TXNL4A: variants seen among roughly 807,000 people sequenced by gnomAD.
The protein encoded by TXNL4A is thioredoxin like 4A.
In TXNL4A, 17 loss-of-function variants were observed where a neutral mutation model predicts 14.6. That is an observed-to-expected ratio of 1.16 (90% confidence interval 0.80 to 1.74). The LOEUF is 1.74. Ranked by LOEUF, TXNL4A falls within the 40% of genes most tolerant of loss-of-function variation. The probability of loss-of-function intolerance (pLI) is 0.00; values close to 1 mark genes in which losing one functional copy is unlikely to be tolerated. For missense variants in TXNL4A, 74 were observed against 195.2 expected (o/e 0.38, Z 3.70); for synonymous variants, 83 against 70.6 (o/e 1.18, Z -0.88).
intron 1 of TXNL4A, among the ~76,000 whole-genome samples, chr18:80,005,220 C>T (rs12604993): frequency 0.14 from 22,043 of 152,168 alleles, 1,710 homozygotes; most frequent in East Asian, 0.27. Context: ...ATTCTGGACT[C>T]GAAGGTTGTT....
At chr18:80,031,025 A>G (rs997906367) in intron 1 of TXNL4A, among the ~76,000 whole-genome samples, 2 of 152,230 alleles carry the variant, frequency 1.3e-5, no homozygotes. Context: ...AAAGTTTTTC[A>G]GTGGAAAGGA....
chr18:79,986,516 TAC>T (rs1186768702), intron 1 of TXNL4A: 8 of 937,750 alleles, frequency 8.5e-6, no homozygotes, highest in Admixed American at 6.2e-5. Context: ...CCACTAGTGA[TAC>T]AGTGATTCAT....
chr18:80,001,230 G>A (rs767521298), intron 1 of TXNL4A, among the ~76,000 whole-genome samples: 2 of 152,206 alleles, frequency 1.3e-5, no homozygotes, highest in African/African-American at 4.8e-5. Context: ...GCCTGTGGGT[G>A]CACAGAAGTC....
intron 1 of TXNL4A, among the ~76,000 whole-genome samples, chr18:79,983,995 C>T (rs1288583509): frequency 2.6e-5 from 4 of 151,426 alleles, no homozygotes; most frequent in East Asian, 1.9e-4. Context: ...CCTCAACCGC[C>T]ACTCAACACC....
chr18:80,020,634 C>G (rs145141726), intron 1 of TXNL4A, among the ~76,000 whole-genome samples: 1 of 152,140 alleles, frequency 6.6e-6, no homozygotes, highest in Non-Finnish European at 1.5e-5. Flanking sequence ...GAAGACTGAG[C>G]GTAGGTGCTT....
intron 1 of TXNL4A, among the ~76,000 whole-genome samples, chr18:80,015,549 C>T (rs2051802581): frequency 6.8e-6 from 1 of 147,900 alleles, no homozygotes; most frequent in Non-Finnish European, 1.5e-5. Flanking sequence ...GTGTGATGTT[C>T]CCCTTCCTGT....
At chr18:80,010,515 G>T (rs770068875) in intron 1 of TXNL4A, among the ~76,000 whole-genome samples, 1 of 152,164 alleles carries the variant, frequency 6.6e-6, no homozygotes, top group Non-Finnish European at 1.5e-5. Flanking sequence ...GAGGGCAGAC[G>T]TACAGTCCAA....
chr18:79,999,181 T>C (rs558615245), intron 1 of TXNL4A, among the ~76,000 whole-genome samples: 40 of 152,292 alleles, frequency 2.6e-4, no homozygotes, highest in African/African-American at 7.0e-4. Flanking sequence ...TATGGAAAGA[T>C]GGAGGATATT....
At chr18:80,027,069 C>T (rs566355052) in intron 1 of TXNL4A, among the ~76,000 whole-genome samples, 11 of 152,192 alleles carry the variant, frequency 7.2e-5, no homozygotes, top group South Asian at 2.1e-4. Flanking sequence ...AGAAGCAGAA[C>T]GCTTGCTCAA....
chr18:80,032,030 T>C (rs1413857705), intron 1 of TXNL4A, among the ~76,000 whole-genome samples: 1 of 152,244 alleles, frequency 6.6e-6, no homozygotes, highest in Non-Finnish European at 1.5e-5. Context: ...GCTCAGAGAA[T>C]TGCTCTAATT....
intron 1 of TXNL4A, among the ~76,000 whole-genome samples, chr18:80,008,231 G>A (rs577927417): frequency 6.6e-6 from 1 of 152,332 alleles, no homozygotes; most frequent in African/African-American, 2.4e-5. Flanking sequence ...TATCCAAATT[G>A]TTTTTCAGAT....
intron 1 of TXNL4A, among the ~76,000 whole-genome samples, chr18:79,985,491 G>A (rs1326871436): frequency 6.6e-6 from 1 of 151,960 alleles, no homozygotes; most frequent in African/African-American, 2.4e-5. Context: ...GGGCTCAAGG[G>A]AACCACCCAC....
intron 1 of TXNL4A, among the ~76,000 whole-genome samples, chr18:80,012,167 G>A (rs1467571495): frequency 2.0e-5 from 3 of 152,168 alleles, no homozygotes; most frequent in South Asian, 4.1e-4. Flanking sequence ...GAAATATTAA[G>A]CACTGATTTT....
chr18:79,981,820 C>T (rs1393287723), intron 1 of TXNL4A, among the ~76,000 whole-genome samples: 2 of 152,250 alleles, frequency 1.3e-5, no homozygotes, highest in African/African-American at 2.4e-5. Flanking sequence ...ATAAAGCTCA[C>T]GTGCCACGAG....
chr18:79,975,313 A>G (rs990799299), intron 2 of TXNL4A, among the ~76,000 whole-genome samples: 1 of 152,254 alleles, frequency 6.6e-6, no homozygotes, highest in Non-Finnish European at 1.5e-5. Flanking sequence ...GGCTCAAGAT[A>G]TATGTTTGGT....
At chr18:80,033,027 T>TC (rs555178662) in intron 1 of TXNL4A, among the ~76,000 whole-genome samples, 65 of 152,126 alleles carry the variant, frequency 4.3e-4, no homozygotes, top group African/African-American at 1.5e-3. Flanking sequence ...CTCCGCCCTT[T>TC]CCCCTTTAAA....
chr18:80,024,166 G>T (rs994213832), intron 1 of TXNL4A, among the ~76,000 whole-genome samples: 1 of 151,206 alleles, frequency 6.6e-6, no homozygotes, highest in African/African-American at 2.4e-5. Context: ...AGCTGGGGGG[G>T]TCTGAGGTTT....
At chr18:79,992,906 G>C (rs1041728119), upstream of TXNL4A, among the ~76,000 whole-genome samples, 17 of 113,000 alleles carry the variant, frequency 1.5e-4, 1 homozygote, top group Non-Finnish European at 3.0e-4. Context: ...AAAAAATGCA[G>C]ATTCACTGAA....
rs182722241 is a variant in TXNL4A, at chr18:79,973,169, G to A, written c.*516C>T. On this transcript the variant is annotated 3_prime_UTR_variant, in exon 3 of 3. Transcript: ENST00000269601. ...AGGACACAGGTGAAGGCAGAGATGG[G>A]GCGAAGTATCCACACACCAAGGAAC... 342 of 152,886 alleles carry A rather than the reference G, an allele frequency of 2.2e-3. No individual in the cohort carries two copies. The highest frequency in any genetic ancestry group is 3.0e-3 in the Non-Finnish European group (208 of 68,504). The allele number at this position is 152,886 out of a possible 1,614,324, so 9.5% of individuals were successfully genotyped here. A position where few individuals can be genotyped will look rare whatever the true frequency, so the allele number is the denominator to read the frequency against.
Sources: gnomAD v4.1 joint callset for allele counts (sites outside exome capture counted in the v4.1 genomes callset) on GRCh38, gnomAD v4.1.1 for gene constraint, MANE v1.5 for transcripts, NCBI Gene and HGNC (gene_info 2026-07-23, HGNC 2026-07-21) for gene names.